The following GPR19 variants were observed in gnomAD, a reference collection of about 807,000 sequenced individuals.
GPR19 encodes probable G protein-coupled receptor 19.
A neutral mutation model predicts 28.5 loss-of-function variants in GPR19; 14 were observed. The ratio of observed to expected loss-of-function variants is 0.49; its 90% CI spans 0.32 to 0.77. The LOEUF is 0.77. Ranked by LOEUF, GPR19 falls within the 30% of genes least tolerant of loss-of-function variation. The pLI, the probability that GPR19 is intolerant of heterozygous loss-of-function variation, is 0.03. For synonymous variants in GPR19, 173 were observed against 184.1 expected (o/e 0.94, Z 0.49); for missense variants, 409 against 504.1 (o/e 0.81, Z 1.81).
rs1218723852 is a variant in GPR19 at position 12,684,382 on chromosome 12, C to G, written c.-54G>C. Reference sequence around the variant, plus strand: ...CCGGACTTGATTTCAGAGACGTTCTCTTTAGATCTTCTTGGTCAGGAATAG... The same window carrying G: ...CCGGACTTGATTTCAGAGACGTTCTGTTTAGATCTTCTTGGTCAGGAATAG... On this transcript the variant is annotated 5_prime_UTR_variant, in exon 3 of 4. Transcript: ENST00000651487. 1.3e-5 allele frequency: 2 copies of G among 152,202 alleles called. No individual in the cohort carries two copies. The highest frequency in any genetic ancestry group is 4.1e-4 in the South Asian group (2 of 4,826). 9.4% of individuals were successfully genotyped at this position (152,202 alleles called of 1,614,324 possible).
the GPR19 span, among the ~76,000 whole-genome samples, chr12:12,707,428 T>G: frequency 3.5e-4 from 54 of 152,252 alleles, no homozygotes; most frequent in African/African-American, 1.3e-3. Flanking sequence ...TTGGCTATCT[T>G]TGTTCTCTGC....
At chr12:12,692,438 GC>G (rs748571806) in intron 2 of GPR19, among the ~76,000 whole-genome samples, 1 of 150,684 alleles carries the variant, frequency 6.6e-6, no homozygotes, top group Non-Finnish European at 1.5e-5. Context: ...TTGCCATGTT[GC>G]CCAGACCGGT....
chr12:12,665,982 G>A lies in GPR19; in HGVS notation c.-22-3512C>T, dbSNP rs116433581. On this transcript the variant is annotated intron_variant, in intron 3 of 3. Transcript: ENST00000651487. ...TAGGGACCCAGTTTTGCCCGGGTAA[G>A]GGGAAGAAAAGGAAAGGCTTCACAG... Among the ~76,000 whole-genome samples, 341 of 152,266 alleles carry A rather than the reference G, an allele frequency of 2.2e-3. 1 individual carries two copies. Among genetic ancestry groups the A allele is most frequent in the African/African-American group, 7.8e-3 (325 of 41,542 alleles).
chr12:12,677,349 G>T (rs573867702), intron 3 of GPR19, among the ~76,000 whole-genome samples: 337 of 152,188 alleles, frequency 2.2e-3, no homozygotes, highest in African/African-American at 7.7e-3. Context: ...TGGGATTACA[G>T]GCATGTGCAC....
chr12:12,708,442 G>T, the GPR19 span, among the ~76,000 whole-genome samples: 1 of 151,866 alleles, frequency 6.6e-6, no homozygotes, highest in African/African-American at 2.4e-5. Flanking sequence ...ATTTTTCCAG[G>T]CATTTGAATC....
chr12:12,702,753 A>G, the GPR19 span, among the ~76,000 whole-genome samples: 1 of 152,234 alleles, frequency 6.6e-6, no homozygotes, highest in Non-Finnish European at 1.5e-5. Flanking sequence ...TTCCTGTTAA[A>G]TAATGGTCAT....
chr12:12,664,114 C>T (rs1015093095), intron 3 of GPR19, among the ~76,000 whole-genome samples: 2 of 152,106 alleles, frequency 1.3e-5, no homozygotes, highest in African/African-American at 4.8e-5. Context: ...CTCAGCCTCT[C>T]GAGTAGTTGG....
the GPR19 span, among the ~76,000 whole-genome samples, chr12:12,709,668 G>A: frequency 6.6e-6 from 1 of 152,138 alleles, no homozygotes; most frequent in Non-Finnish European, 1.5e-5. Flanking sequence ...TTGAACTCTA[G>A]GATCAAGCAG....
At chr12:12,713,686 C>T in the GPR19 span, among the ~76,000 whole-genome samples, 1 of 152,092 alleles carries the variant, frequency 6.6e-6, no homozygotes, top group Non-Finnish European at 1.5e-5. Context: ...GCCTGCACTA[C>T]CATGCCCAGC....
chr12:12,696,211 AATG>A (rs1215925649), upstream of GPR19: 3 of 152,150 alleles, frequency 2.0e-5, no homozygotes, highest in African/African-American at 7.2e-5. Context: ...GCGCGCTAAA[AATG>A]ATGAGCCAGA....
At chr12:12,694,388 A>T (rs1427695256) in intron 2 of GPR19, among the ~76,000 whole-genome samples, 3 of 145,590 alleles carry the variant, frequency 2.1e-5, no homozygotes, top group African/African-American at 5.1e-5. Context: ...TTTTTTTTTT[A>T]GTAGAGACGG....
intron 3 of GPR19, chr12:12,669,173 A>G (rs1945823375): frequency 6.6e-6 from 1 of 152,268 alleles, no homozygotes; most frequent in East Asian, 1.9e-4. Flanking sequence ...CATAGTGAAC[A>G]GTTTTAAAAA....
intron 3 of GPR19, among the ~76,000 whole-genome samples, chr12:12,674,273 C>A (rs1945900156): frequency 2.1e-5 from 1 of 47,812 alleles, no homozygotes; most frequent in South Asian, 7.8e-4. Flanking sequence ...CCTATCTCTA[C>A]CAAAAAAAAA....
At chr12:12,703,782 T>C in the GPR19 span, among the ~76,000 whole-genome samples, 1 of 152,184 alleles carries the variant, frequency 6.6e-6, no homozygotes, top group Non-Finnish European at 1.5e-5. Context: ...ACTGTATAAG[T>C]TGCATGACTG....
At chr12:12,662,529 A>G (rs1291625555) in intron 3 of GPR19, 59 bp from the exon 4 acceptor site, 2 of 1,270,176 alleles carry the variant, frequency 1.6e-6, no homozygotes, top group African/African-American at 1.5e-5. Context: ...CAGATTGGTT[A>G]TGATTACTCA....
intron 3 of GPR19, among the ~76,000 whole-genome samples, chr12:12,683,011 T>C (rs1480113071): frequency 6.6e-6 from 1 of 152,226 alleles, no homozygotes; most frequent in Non-Finnish European, 1.5e-5. Flanking sequence ...GTTTTTAATC[T>C]ATTTTATTTT....
upstream of GPR19, among the ~76,000 whole-genome samples, chr12:12,700,340 A>G (rs1946313468): frequency 6.6e-6 from 1 of 150,450 alleles, no homozygotes; most frequent in South Asian, 2.1e-4. Flanking sequence ...GGCATGCACC[A>G]CCACACCTGG....
rs755016037 is a variant in GPR19, at chr12:12,661,455, T to C, written c.994A>G (p.Ile332Val). 18 of 1,613,674 alleles carry C rather than the reference T, an allele frequency of 1.1e-5. No individual in the cohort carries two copies. The African/African-American group carries it at 1.6e-4, about 14-fold the overall frequency. ...SSASKPTLYS[I>V]YNANFRRGMK... ...CCTCTCCGAAAATTGGCATTATAAA[T>C]TGAATACAGAGTAGGTTTAGAGGCT... The change falls in exon 4 of 4, where the codon ATT becomes GTT. Residue 332 changes from isoleucine to valine, a missense_variant. By Grantham distance (29) the Ile-to-Val change is conservative. Transcript: ENST00000651487. This position sits in a 1 kb window ranked among gnomAD's most constrained non-coding sequence, Gnocchi z 4.2.
At position 12,681,352 on chromosome 12, in the gene GPR19, C is replaced by T. The variant is rs141975322; in HGVS notation, c.-23+2999G>A. ...CACTTTCTCATAGTCTTTACCCATG[C>T]TCATTGTCCCTCTTCTTATTTCTGC... On this transcript the variant is annotated intron_variant, in intron 3 of 3. Coordinates refer to ENST00000651487, the MANE Select transcript of GPR19 (RefSeq NM_006143.3). 3.2e-3 allele frequency among the ~76,000 whole-genome samples: 491 copies of T among 152,308 alleles called. 2 individuals are homozygous for T. Among genetic ancestry groups the T allele is most frequent in the African/African-American group, 0.011 (466 of 41,562 alleles).
Sources: gnomAD v4.1 joint callset for allele counts (sites outside exome capture counted in the v4.1 genomes callset) on GRCh38, gnomAD v4.1.1 for gene constraint, Gnocchi (gnomAD v3.1) non-coding constraint, MANE v1.5 for transcripts, NCBI Gene and HGNC (gene_info 2026-07-23, HGNC 2026-07-21) for gene names.